Variants in ANK3 observed in about 807,000 individuals in gnomAD.
The protein encoded by ANK3 is ankyrin-3.
Under a neutral mutation model 370.9 loss-of-function variants are expected in ANK3, and 57 were observed. The ratio of observed to expected loss-of-function variants is 0.15; its 90% CI spans 0.12 to 0.19. The LOEUF (loss-of-function observed/expected upper bound fraction) is 0.19. ANK3 is among the 10% of genes least tolerant of loss of function. The pLI, the probability that ANK3 is intolerant of heterozygous loss-of-function variation, is 1.00. For missense variants in ANK3, 4,439 were observed against 5,302.1 expected (o/e 0.84, Z 5.06); for synonymous variants, 1,929 against 1,946.3 (o/e 0.99, Z 0.23).
intron 2 of ANK3, among the ~76,000 whole-genome samples, chr10:60,578,650 T>A (rs1375747802): frequency 6.6e-6 from 1 of 152,172 alleles, no homozygotes; most frequent in Non-Finnish European, 1.5e-5. Context: ...GGCTTTCTTT[T>A]ATTGCTGTGG....
At chr10:60,243,225 G>A (rs1453023157) in intron 7 of ANK3, among the ~76,000 whole-genome samples, 2 of 152,070 alleles carry the variant, frequency 1.3e-5, no homozygotes, top group Non-Finnish European at 2.9e-5. Context: ...GCTAATAATA[G>A]TACTTACTCA....
At chr10:60,321,391 A>C (rs561340608) in intron 1 of ANK3, among the ~76,000 whole-genome samples, 5,516 of 66,782 alleles carry the variant, frequency 0.083, 343 homozygotes, top group African/African-American at 0.21. Context: ...AAAAAAGAAA[A>C]GAGAAGAGAA....
intron 28 of ANK3, among the ~76,000 whole-genome samples, chr10:60,091,680 A>G (rs1162475930): frequency 6.6e-6 from 1 of 152,086 alleles, no homozygotes; most frequent in Non-Finnish European, 1.5e-5. Flanking sequence ...AGCAAGATGC[A>G]CAGCAATGTG....
intron 2 of ANK3, among the ~76,000 whole-genome samples, chr10:60,469,065 GTATATATATATA>G (rs36231232): frequency 5.3e-4 from 13 of 24,312 alleles, no homozygotes; most frequent in African/African-American, 1.6e-3. Flanking sequence ...ACCACTTTTA[GTATATATATATA>G]TATATATATA....
At chr10:60,168,677 A>C (rs2095690463) in intron 21 of ANK3, among the ~76,000 whole-genome samples, 1 of 152,086 alleles carries the variant, frequency 6.6e-6, no homozygotes, top group Non-Finnish European at 1.5e-5. Flanking sequence ...CGCATGCATG[A>C]GCTATTTATC....
intron 1 of ANK3, among the ~76,000 whole-genome samples, chr10:60,365,366 C>A (rs1425787955): frequency 6.6e-6 from 1 of 152,108 alleles, no homozygotes; most frequent in African/African-American, 2.4e-5. Context: ...AATCTGATAA[C>A]ACCTATCACC....
In ANK3 at chr10:60,073,230, GACT is replaced by G; in HGVS notation, c.7648_7650del (p.Ser2550del). 6.2e-7 allele frequency: 1 copy of G among 1,614,028 alleles called. No homozygotes were observed. The highest frequency in any genetic ancestry group is 1.1e-5 in the South Asian group (1 of 91,076). On this transcript the variant is annotated inframe_deletion, in exon 37 of 44. Coordinates refer to ENST00000280772, the MANE Select transcript of ANK3 (RefSeq NM_020987.5). ...AAGCGCATCCACATGGCATGTTTTG[GACT>G]ACTAACATTGCCAGAATAGTGCAAC...
intron 12 of ANK3, among the ~76,000 whole-genome samples, chr10:60,200,733 T>C (rs2096660514): frequency 6.6e-6 from 1 of 152,202 alleles, no homozygotes; most frequent in African/African-American, 2.4e-5. Flanking sequence ...TTCTAACTCT[T>C]AAATATTGAC....
intron 1 of ANK3, among the ~76,000 whole-genome samples, chr10:60,691,521 CTT>C (rs1564563003): frequency 6.6e-6 from 1 of 152,150 alleles, no homozygotes; most frequent in Non-Finnish European, 1.5e-5. Context: ...ACGTTTGCCA[CTT>C]TTCACTTACT....
intron 2 of ANK3, among the ~76,000 whole-genome samples, chr10:60,530,259 T>G (rs1271231576): frequency 6.6e-6 from 1 of 152,186 alleles, no homozygotes; most frequent in Non-Finnish European, 1.5e-5. Flanking sequence ...AAATTTTTCT[T>G]TGTTCTTTTT....
At chr10:60,170,905 C>G (rs1044126575) in intron 21 of ANK3, among the ~76,000 whole-genome samples, 1 of 151,994 alleles carries the variant, frequency 6.6e-6, no homozygotes, top group African/African-American at 2.4e-5. Flanking sequence ...GTATTTTGAA[C>G]TTTTACATGT....
At chr10:60,380,387 C>T (rs765080892) in intron 1 of ANK3, among the ~76,000 whole-genome samples, 1 of 152,048 alleles carries the variant, frequency 6.6e-6, no homozygotes, top group East Asian at 1.9e-4. Context: ...GACATAGAGG[C>T]AATTCCAGGT....
chr10:60,579,850 C>G (rs777486893), intron 2 of ANK3, among the ~76,000 whole-genome samples: 1 of 152,042 alleles, frequency 6.6e-6, no homozygotes, highest in Non-Finnish European at 1.5e-5. Flanking sequence ...CACAAATATG[C>G]CCCTAATCTT....
At chr10:60,284,766 AGCTCT>A (rs906113287) in intron 1 of ANK3, among the ~76,000 whole-genome samples, 3 of 152,028 alleles carry the variant, frequency 2.0e-5, no homozygotes, top group African/African-American at 7.2e-5. Context: ...TACATAACAT[AGCTCT>A]GCTCCTTTGC....
At position 60,074,205 on chromosome 10, in the gene ANK3, C is replaced by T; in HGVS notation, c.6676G>A (p.Glu2226Lys). The change falls in exon 37 of 44, where the codon GAA (glutamate) becomes AAA (lysine). Residue 2226 changes from glutamate to lysine, a missense_variant. Around this residue, in one of 13 missense-constraint regions of ANK3, gnomAD observed 1,601 missense variants for 1,731.7 expected, o/e 0.92. Transcript: ENST00000280772. ...VKAFQMKASS[E>K]EDDHNRVLSK... The stretch of plus-strand genomic sequence containing the variant: ...AAAACCCGATTGTGGTCATCTTCTT[C>T]ACTACTGGCTTTCATTTGAAATGCT... 1 of 1,614,140 alleles carries T rather than the reference C, an allele frequency of 6.2e-7. No individual in the cohort carries two copies. The highest frequency in any genetic ancestry group is 8.5e-7 in the Non-Finnish European group (1 of 1,180,010).
At chr10:60,434,404 C>T (rs546085578) in intron 2 of ANK3, among the ~76,000 whole-genome samples, 1 of 152,256 alleles carries the variant, frequency 6.6e-6, no homozygotes, top group African/African-American at 2.4e-5. Context: ...GAATAGAGTA[C>T]ATGAAGTCAC....
intron 1 of ANK3, among the ~76,000 whole-genome samples, chr10:60,618,269 CA>C (rs2078290514): frequency 6.6e-6 from 1 of 151,956 alleles, no homozygotes; most frequent in Non-Finnish European, 1.5e-5. Context: ...TATATATAGC[CA>C]AAAAGAATTG....
chr10:60,178,724 C>A (rs1202690855), intron 18 of ANK3, among the ~76,000 whole-genome samples: 4 of 152,108 alleles, frequency 2.6e-5, no homozygotes, highest in Admixed American at 2.6e-4. Context: ...TAAAGAAATC[C>A]AGTGTAACTC....
intron 1 of ANK3, among the ~76,000 whole-genome samples, chr10:60,381,715 G>A (rs2061574978): frequency 6.6e-6 from 1 of 152,138 alleles, no homozygotes; most frequent in African/African-American, 2.4e-5. Context: ...TTTTATGCAA[G>A]GAACCTGGCA....
Sources: allele counts gnomAD v4.1 joint callset (sites outside exome capture counted in the v4.1 genomes callset), GRCh38; gene constraint gnomAD v4.1.1; regional missense constraint gnomAD v4.1.1; transcripts MANE v1.5; gene names NCBI Gene and HGNC (gene_info 2026-07-23, HGNC 2026-07-21).